Variants in CA10 observed in about 807,000 individuals in gnomAD.
The protein encoded by CA10 is carbonic anhydrase 10 (inactive).
A neutral mutation model predicts 44.2 loss-of-function variants in CA10; 14 were observed. The observed-to-expected ratio is 0.32, with a 90% CI of 0.21 to 0.50. CA10 has a LOEUF of 0.50. Ranked by LOEUF, CA10 falls within the 20% of genes least tolerant of loss-of-function variation. CA10 has a pLI of 0.99. For synonymous variants in CA10, 159 were observed against 141.6 expected (o/e 1.12, Z -0.87); for missense variants, 350 against 409.7 (o/e 0.85, Z 1.26).
chr17:51,649,511 G>A (rs1277820487), intron 5 of CA10, among the ~76,000 whole-genome samples: 4 of 152,230 alleles, frequency 2.6e-5, no homozygotes, highest in Non-Finnish European at 5.9e-5. Context: ...GTGTAATGAT[G>A]TTGGAGGAAG....
At chr17:51,641,800 T>C (rs1306473626) in intron 6 of CA10, among the ~76,000 whole-genome samples, 1 of 152,070 alleles carries the variant, frequency 6.6e-6, no homozygotes, top group Non-Finnish European at 1.5e-5. Context: ...TTTTTTTCAG[T>C]CTGCATTTAA....
chr17:51,806,349 C>T (rs1907136080), intron 3 of CA10, among the ~76,000 whole-genome samples: 1 of 152,174 alleles, frequency 6.6e-6, no homozygotes, highest in Admixed American at 6.5e-5. Context: ...TCTCAGTGTT[C>T]CTACTTTTGC....
chr17:51,797,988 A>C (rs1906781867), intron 3 of CA10, among the ~76,000 whole-genome samples: 1 of 152,102 alleles, frequency 6.6e-6, no homozygotes, highest in South Asian at 2.1e-4. Context: ...TTTTTATTGA[A>C]GAGGACACAG....
intron 4 of CA10, among the ~76,000 whole-genome samples, chr17:51,714,767 C>G (rs1916045577): frequency 6.6e-6 from 1 of 152,196 alleles, no homozygotes. Context: ...ATTTTTAAAT[C>G]TACACCTATG....
chr17:51,678,490 G>A (rs1914709687), intron 4 of CA10, among the ~76,000 whole-genome samples: 1 of 152,170 alleles, frequency 6.6e-6, no homozygotes, highest in Non-Finnish European at 1.5e-5. Flanking sequence ...TACTTCTGTT[G>A]CTTCTGGCTA....
chr17:52,142,841 T>C (rs1989511195), intron 1 of CA10, among the ~76,000 whole-genome samples: 1 of 152,172 alleles, frequency 6.6e-6, no homozygotes, highest in South Asian at 2.1e-4. Context: ...CATAAGAAGT[T>C]AACTTACCCA....
At chr17:51,716,110 T>C (rs899249547) in intron 4 of CA10, among the ~76,000 whole-genome samples, 2 of 152,142 alleles carry the variant, frequency 1.3e-5, no homozygotes, top group African/African-American at 4.8e-5. Context: ...CAGAATTTTG[T>C]GTTTGTTTTC....
At chr17:52,080,947 T>G (rs1322503227) in intron 1 of CA10, among the ~76,000 whole-genome samples, 2 of 152,210 alleles carry the variant, frequency 1.3e-5, no homozygotes, top group Non-Finnish European at 2.9e-5. Context: ...TGTCAGTAAG[T>G]ATTCTAAGCA....
chr17:52,106,834 C>T (rs957558094), intron 1 of CA10, among the ~76,000 whole-genome samples: 9 of 152,292 alleles, frequency 5.9e-5, no homozygotes, highest in African/African-American at 1.9e-4. Flanking sequence ...AACTTGATCG[C>T]CCTCTACTGG....
At chr17:51,676,994 G>A (rs1392228447) in intron 4 of CA10, among the ~76,000 whole-genome samples, 1 of 152,156 alleles carries the variant, frequency 6.6e-6, no homozygotes, top group Non-Finnish European at 1.5e-5. Flanking sequence ...TTGATATCTG[G>A]TGTTTGTTTT....
intron 3 of CA10, among the ~76,000 whole-genome samples, chr17:51,887,506 A>G (rs1466702283): frequency 6.6e-6 from 1 of 152,210 alleles, no homozygotes; most frequent in Non-Finnish European, 1.5e-5. Context: ...GGAACAGCAA[A>G]GTCTTTGGAC....
intron 2 of CA10, among the ~76,000 whole-genome samples, chr17:52,029,052 C>T (rs1745658027): frequency 6.6e-6 from 1 of 152,168 alleles, no homozygotes; most frequent in Admixed American, 6.5e-5. Context: ...AGGGTGCTAT[C>T]ATAGCCCAAA....
chr17:51,869,941 A>G (rs1167521689), intron 3 of CA10, among the ~76,000 whole-genome samples: 1 of 152,216 alleles, frequency 6.6e-6, no homozygotes, highest in Non-Finnish European at 1.5e-5. Context: ...ATCCCTGGCA[A>G]TATCATGAAC....
intron 1 of CA10, among the ~76,000 whole-genome samples, chr17:52,095,504 G>T (rs1988380914): frequency 6.6e-6 from 1 of 152,122 alleles, no homozygotes; most frequent in Non-Finnish European, 1.5e-5. Flanking sequence ...CAACCAAACA[G>T]CACTCTGTCA....
intron 2 of CA10, among the ~76,000 whole-genome samples, chr17:51,985,602 T>A (rs1377230103): frequency 6.6e-6 from 1 of 151,940 alleles, no homozygotes; most frequent in African/African-American, 2.4e-5. Flanking sequence ...ATTATATACC[T>A]AGAAAACCCT....
intron 3 of CA10, among the ~76,000 whole-genome samples, chr17:51,875,469 G>A (rs1033166846): frequency 6.6e-6 from 1 of 152,154 alleles, no homozygotes; most frequent in Admixed American, 6.5e-5. Flanking sequence ...AGTCATTTAA[G>A]CTCTGTTTAC....
rs115628608 is a variant in CA10 at position 51,760,760 on chromosome 17, C to G, written c.280-12942G>C. On this transcript the variant is annotated intron_variant, in intron 3 of 8. Coordinates refer to ENST00000451037, the MANE Select transcript of CA10 (RefSeq NM_020178.5). ...CAATACAGCAGCTATCCAAAAGAAA[C>G]AGAAGGCAAGCTACATCTGTAATTT... 9.5e-3 allele frequency among the ~76,000 whole-genome samples: 1,441 copies of G among 152,248 alleles called. 20 individuals carry two copies. Among genetic ancestry groups the G allele is most frequent in the African/African-American group, 0.033 (1,372 of 41,536 alleles).
intron 2 of CA10, among the ~76,000 whole-genome samples, chr17:52,021,468 ATC>A (rs1481807109): frequency 2.6e-5 from 4 of 151,978 alleles, no homozygotes; most frequent in Non-Finnish European, 4.4e-5. Flanking sequence ...CCTTGCCAAT[ATC>A]TGTTATTTTT....
intron 3 of CA10, among the ~76,000 whole-genome samples, chr17:51,793,795 C>T (rs951094075): frequency 4.6e-5 from 7 of 152,136 alleles, no homozygotes; most frequent in African/African-American, 1.7e-4. Flanking sequence ...CTTTCCTTAC[C>T]ATCTCATTTC....
Sources: allele counts gnomAD v4.1 joint callset (sites outside exome capture counted in the v4.1 genomes callset), GRCh38; gene constraint gnomAD v4.1.1; transcripts MANE v1.5; gene names NCBI Gene and HGNC (gene_info 2026-07-23, HGNC 2026-07-21).